Variants in ENTPD1 observed in about 807,000 individuals in gnomAD.
ENTPD1 encodes the protein ATP diphosphohydrolase.
A neutral mutation model predicts 57.0 loss-of-function variants in ENTPD1; 33 were observed. The observed-to-expected ratio is 0.58, with a 90% CI of 0.44 to 0.77. The LOEUF (loss-of-function observed/expected upper bound fraction) is 0.77. Ranked by LOEUF, ENTPD1 falls within the 30% of genes least tolerant of loss-of-function variation. The pLI, the probability that ENTPD1 is intolerant of heterozygous loss-of-function variation, is 0.00. For missense variants in ENTPD1, 501 were observed against 603.4 expected, an observed-to-expected ratio of 0.83 and a Z score of 1.78; for synonymous variants, 202 against 218.8, an observed-to-expected ratio of 0.92 and a Z score of 0.68.
chr10:95,773,416 ATT>A (rs1021550970), intron 1 of ENTPD1, among the ~76,000 whole-genome samples: 4 of 150,738 alleles, frequency 2.7e-5, no homozygotes, highest in Non-Finnish European at 5.9e-5. Flanking sequence ...TTTGGAAGGA[ATT>A]TTTTTTTTCT....
chr10:95,748,840 A>G (rs182517794), intron 1 of ENTPD1, among the ~76,000 whole-genome samples: 64 of 152,042 alleles, frequency 4.2e-4, no homozygotes, highest in Middle Eastern at 3.4e-3. Context: ...CAAGAAGTTG[A>G]GTTGTTTTAT....
At chr10:95,758,479 A>G (rs1044293870) in intron 1 of ENTPD1, among the ~76,000 whole-genome samples, 1 of 152,150 alleles carries the variant, frequency 6.6e-6, no homozygotes, top group Non-Finnish European at 1.5e-5. Flanking sequence ...TTCCCCTTTA[A>G]GCCTTCTCTA....
chr10:95,790,806 T>C (rs2140263466), intron 1 of ENTPD1, among the ~76,000 whole-genome samples: 1 of 152,314 alleles, frequency 6.6e-6, no homozygotes, highest in African/African-American at 2.4e-5. Context: ...AAAGGATTGG[T>C]ACTAACATAA....
At chr10:95,746,862 C>T (rs1425666314) in intron 1 of ENTPD1, among the ~76,000 whole-genome samples, 3 of 152,134 alleles carry the variant, frequency 2.0e-5, no homozygotes, top group Admixed American at 6.5e-5. Flanking sequence ...TGATAAAACA[C>T]GTATATGTAG....
chr10:95,720,829 C>T (rs926985438), intron 1 of ENTPD1, among the ~76,000 whole-genome samples: 3 of 152,102 alleles, frequency 2.0e-5, no homozygotes, highest in African/African-American at 7.2e-5. Flanking sequence ...GGAAGCAAGC[C>T]CTATTAGGCA....
At chr10:95,864,462 G>A (rs1232589505) in intron 8 of ENTPD1, among the ~76,000 whole-genome samples, 1 of 152,172 alleles carries the variant, frequency 6.6e-6, no homozygotes, top group East Asian at 1.9e-4. Context: ...TAGACCACAG[G>A]AACTACTTTT....
chr10:95,715,396 C>A (rs2097970392), intron 1 of ENTPD1, among the ~76,000 whole-genome samples: 1 of 152,086 alleles, frequency 6.6e-6, no homozygotes, highest in African/African-American at 2.4e-5. Flanking sequence ...TCTTTCATAG[C>A]AGCTATTTGT....
rs970950570 is a variant in ENTPD1, at chr10:95,876,482, T to G, written c.*10099T>G. 8.1e-7 allele frequency: 1 copy of G among 1,231,370 alleles called. No individual in the cohort carries two copies. The highest frequency in any genetic ancestry group is 1.6e-5 in the African/African-American group (1 of 64,400). The allele number at this position is 1,231,370 out of a possible 1,614,324, so 76.3% of individuals were successfully genotyped here. A position where few individuals can be genotyped will look rare whatever the true frequency, so the allele number is the denominator to read the frequency against. On this transcript the variant is annotated 3_prime_UTR_variant, in exon 10 of 10. Transcript: ENST00000371205. Reference sequence around the variant, plus strand: ...TCAATAGCTTAAAAATATGTCTCTCTGTCCTATTCTGTATCTGTATCTCTT... The same window carrying G: ...TCAATAGCTTAAAAATATGTCTCTCGGTCCTATTCTGTATCTGTATCTCTT...
intron 7 of ENTPD1, among the ~76,000 whole-genome samples, chr10:95,860,070 A>G (rs1695235011): frequency 6.6e-6 from 1 of 152,160 alleles, no homozygotes; most frequent in South Asian, 2.1e-4. Context: ...GAAAAAACCA[A>G]TTTCGCTACT....
intron 1 of ENTPD1, among the ~76,000 whole-genome samples, chr10:95,745,731 G>T (rs188088893): frequency 6.6e-6 from 1 of 152,198 alleles, no homozygotes; most frequent in East Asian, 1.9e-4. Flanking sequence ...GATATTTGCC[G>T]TAGCATAGGA....
chr10:95,744,694 G>T (rs941572988), intron 1 of ENTPD1, among the ~76,000 whole-genome samples: 2 of 150,108 alleles, frequency 1.3e-5, no homozygotes, highest in African/African-American at 2.4e-5. Flanking sequence ...TCACACATTT[G>T]TAATACAGTT....
At chr10:95,755,995 T>G, upstream of ENTPD1, 1 of 1,464,664 alleles carries the variant, frequency 6.8e-7, no homozygotes, top group Non-Finnish European at 9.0e-7. Flanking sequence ...GGAAAAGGCT[T>G]CGAGTAACTT....
At chr10:95,801,211 C>A (rs539985104) in intron 1 of ENTPD1, among the ~76,000 whole-genome samples, 1 of 152,266 alleles carries the variant, frequency 6.6e-6, no homozygotes, top group Admixed American at 6.5e-5. Context: ...CATTAGATAC[C>A]ATTTGTCAAT....
intron 2 of ENTPD1, among the ~76,000 whole-genome samples, chr10:95,837,281 G>T (rs1358903561): frequency 6.6e-6 from 1 of 152,180 alleles, no homozygotes; most frequent in Non-Finnish European, 1.5e-5. Context: ...TGCTGCTGTG[G>T]TTGGAACATT....
Position 95,873,008 on chromosome 10 carries a change from AT to A in ENTPD1, c.*6628del. ...ACCTTAAAAGATCATGCATCTCAAA[AT>A]TTAATGTACATACAAATTACCCAGG... On this transcript the variant is annotated 3_prime_UTR_variant, in exon 10 of 10. Coordinates refer to ENST00000371205, the MANE Select transcript of ENTPD1 (RefSeq NM_001776.6). 8.1e-6 allele frequency: 8 copies of A among 982,788 alleles called. No homozygotes were observed. The highest frequency in any genetic ancestry group is 9.7e-6 in the Non-Finnish European group (8 of 827,562). The allele number at this position is 982,788 out of a possible 1,614,324, so 60.9% of individuals were successfully genotyped here.
rs1204171924 is a variant in ENTPD1, at chr10:95,814,791, A to AT, written c.17-8445dup. Among the ~76,000 whole-genome samples the AT allele has an allele frequency of 3.9e-5, 6 of 152,308 alleles. No homozygotes were observed. The East Asian group carries it at 1.2e-3, about 29-fold the overall frequency. ...TCCTCTGACGTCTGTGGTTCAAGAG[A>AT]TCAGTGGAACAGGACATGGGTTATT... On this transcript the variant is annotated intron_variant, in intron 1 of 9. Coordinates refer to ENST00000371205, the MANE Select transcript of ENTPD1 (RefSeq NM_001776.6).
chr10:95,841,830 G>C (rs1427055235), intron 3 of ENTPD1, among the ~76,000 whole-genome samples: 1 of 152,198 alleles, frequency 6.6e-6, no homozygotes, highest in Non-Finnish European at 1.5e-5. Flanking sequence ...CATAGATTCT[G>C]TTCCTCTTTC....
chr10:95,746,846 C>T (rs2098006608), intron 1 of ENTPD1, among the ~76,000 whole-genome samples: 1 of 152,172 alleles, frequency 6.6e-6, no homozygotes. Flanking sequence ...ATCAGCATTC[C>T]TCTTTTGATA....
intron 1 of ENTPD1, among the ~76,000 whole-genome samples, chr10:95,776,734 A>G (rs1015626406): frequency 6.6e-6 from 1 of 152,218 alleles, no homozygotes; most frequent in African/African-American, 2.4e-5. Context: ...GTGTTTTCCA[A>G]CTTGGTCCTA....
Sources: gnomAD v4.1 joint callset for allele counts (sites outside exome capture counted in the v4.1 genomes callset) on GRCh38, gnomAD v4.1.1 for gene constraint, MANE v1.5 for transcripts, NCBI Gene and HGNC (gene_info 2026-07-23, HGNC 2026-07-21) for gene names.